The following CATSPERT variants were observed in gnomAD, a reference collection of about 807,000 sequenced individuals.
CATSPERT encodes the protein catsper channel auxiliary subunit tau.
At chr2:201,492,191 G>A in the CATSPERT span, 1 of 1,520,776 alleles carries the variant, frequency 6.6e-7, no homozygotes, top group Non-Finnish European at 8.8e-7. Flanking sequence ...TATTTATTTT[G>A]CTTTTCTGAA....
the CATSPERT span, among the ~76,000 whole-genome samples, chr2:201,575,050 AAAG>A: frequency 4.4e-4 from 46 of 104,626 alleles, no homozygotes; most frequent in Middle Eastern, 4.6e-3. Flanking sequence ...AAAAAAAAAA[AAAG>A]AAGAAGAAGA....
chr2:201,536,274 T>C, the CATSPERT span: 2 of 1,612,874 alleles, frequency 1.2e-6, no homozygotes, highest in Non-Finnish European at 1.7e-6. Flanking sequence ...GTCCGATTGG[T>C]TCAAAGTTGG....
chr2:201,585,456 A>C, the CATSPERT span, among the ~76,000 whole-genome samples: 1 of 152,030 alleles, frequency 6.6e-6, no homozygotes, highest in Non-Finnish European at 1.5e-5. Flanking sequence ...GTCACCAACT[A>C]ACTCTCATAG....
At chr2:201,496,100 T>C in the CATSPERT span, 1 of 509,964 alleles carries the variant, frequency 2.0e-6, no homozygotes, top group Non-Finnish European at 3.3e-6. Context: ...CAACTATACC[T>C]TGCCAATTAT....
At chr2:201,532,175 G>T in the CATSPERT span, among the ~76,000 whole-genome samples, 9 of 152,126 alleles carry the variant, frequency 5.9e-5, no homozygotes, top group East Asian at 1.3e-3. Flanking sequence ...CTAGGGTGTT[G>T]GTCTTAACAG....
chr2:201,562,973 C>T, the CATSPERT span, among the ~76,000 whole-genome samples: 6 of 150,772 alleles, frequency 4.0e-5, no homozygotes, highest in Non-Finnish European at 8.9e-5. Flanking sequence ...CCTTTCCCCC[C>T]TTTCTATTCC....
At chr2:201,550,655 T>G in the CATSPERT span, 6 of 152,222 alleles carry the variant, frequency 3.9e-5, no homozygotes, top group African/African-American at 1.4e-4. Flanking sequence ...ATACAATGAT[T>G]AGTGTAACTT....
At chr2:201,516,893 GC>G in the CATSPERT span, among the ~76,000 whole-genome samples, 1 of 151,572 alleles carries the variant, frequency 6.6e-6, no homozygotes, top group African/African-American at 2.4e-5. Flanking sequence ...GAGCAAGAGG[GC>G]CTCACCTACG....
At chr2:201,561,356 T>C in the CATSPERT span, among the ~76,000 whole-genome samples, 6 of 152,132 alleles carry the variant, frequency 3.9e-5, no homozygotes, top group Non-Finnish European at 8.8e-5. Context: ...TACGACTTTT[T>C]TAAAAAAATT....
At chr2:201,547,427 C>A in the CATSPERT span, 1 of 804,686 alleles carries the variant, frequency 1.2e-6, no homozygotes, top group Non-Finnish European at 1.9e-6. Flanking sequence ...ATTTGATCAT[C>A]ACTTTTAATT....
At chr2:201,596,192 T>G in the CATSPERT span, among the ~76,000 whole-genome samples, 216 of 152,254 alleles carry the variant, frequency 1.4e-3, no homozygotes, top group African/African-American at 5.0e-3. Context: ...CCATCAATGA[T>G]AGACTGGATA....
the CATSPERT span, among the ~76,000 whole-genome samples, chr2:201,515,518 A>G: frequency 1.3e-5 from 2 of 152,116 alleles, no homozygotes; most frequent in Non-Finnish European, 2.9e-5. Flanking sequence ...TCCTGTTGGT[A>G]GAGGTGTAAT....
At chr2:201,525,943 T>C in the CATSPERT span, among the ~76,000 whole-genome samples, 5 of 151,978 alleles carry the variant, frequency 3.3e-5, no homozygotes, top group African/African-American at 1.2e-4. Flanking sequence ...GAACAGACCA[T>C]TGGTGTGTTC....
chr2:201,560,246 G>A, the CATSPERT span, among the ~76,000 whole-genome samples: 1 of 151,844 alleles, frequency 6.6e-6, no homozygotes, highest in African/African-American at 2.4e-5. Flanking sequence ...TGGCCAATAA[G>A]GCGAAACCCT....
At chr2:201,594,535 G>T in the CATSPERT span, among the ~76,000 whole-genome samples, 1 of 152,196 alleles carries the variant, frequency 6.6e-6, no homozygotes, top group Non-Finnish European at 1.5e-5. Context: ...TGCCTTGCTA[G>T]ATTGGGGAAG....
At chr2:201,492,787 A>G in the CATSPERT span, 6 of 1,536,394 alleles carry the variant, frequency 3.9e-6, no homozygotes, top group Middle Eastern at 1.7e-4. Context: ...TTTCTCATTC[A>G]TCAGATACAG....
chr2:201,498,914 C>T, the CATSPERT span, among the ~76,000 whole-genome samples: 5 of 150,486 alleles, frequency 3.3e-5, no homozygotes, highest in African/African-American at 9.8e-5. Flanking sequence ...AGCAGAGTAA[C>T]GATTGCTGAG....
the CATSPERT span, among the ~76,000 whole-genome samples, chr2:201,531,600 C>T: frequency 1.3e-5 from 2 of 152,018 alleles, no homozygotes; most frequent in African/African-American, 4.8e-5. Context: ...AGAGGAGCCC[C>T]CAAACCCAGC....
At chr2:201,612,223 G>T in the CATSPERT span, among the ~76,000 whole-genome samples, 3 of 152,044 alleles carry the variant, frequency 2.0e-5, no homozygotes, top group African/African-American at 7.3e-5. Flanking sequence ...ATTGCCCAAG[G>T]TCCCACAGGT....
Sources: allele counts gnomAD v4.1 joint callset (sites outside exome capture counted in the v4.1 genomes callset), GRCh38; gene constraint gnomAD v4.1.1; transcripts MANE v1.5; gene names NCBI Gene and HGNC (gene_info 2026-07-23, HGNC 2026-07-21).